Variants in FYN observed in about 807,000 individuals in gnomAD.
FYN encodes the protein FYN proto-oncogene, Src family tyrosine kinase.
In FYN, 10 loss-of-function variants were observed where a neutral mutation model predicts 70.2. The observed-to-expected ratio is 0.14, with a 90% confidence interval of 0.09 to 0.24. The LOEUF (loss-of-function observed/expected upper bound fraction) is 0.24, where lower values mean the gene tolerates loss of function less well. Among genes scored for constraint, FYN ranks in the 10% least tolerant of loss-of-function variants. The pLI is 1.00. For missense variants in FYN, 319 were observed against 673.1 expected (o/e 0.47, Z 5.82); for synonymous variants, 236 against 248.6 (o/e 0.95, Z 0.48).
chr6:111,784,080 G>C (rs1232362722), intron 2 of FYN, among the ~76,000 whole-genome samples: 1 of 152,174 alleles, frequency 6.6e-6, no homozygotes, highest in African/African-American at 2.4e-5. Flanking sequence ...TCACTCCTTT[G>C]GGAGAAGCTC....
chr6:111,661,567 T>C lies in FYN; in HGVS notation c.*172A>G, dbSNP rs1232168525. On this transcript the variant is annotated 3_prime_UTR_variant, in exon 14 of 14. Transcript: ENST00000354650. This position sits in a 1 kb window ranked among gnomAD's most constrained non-coding sequence, Gnocchi z 4.0. Reference sequence around the variant, plus strand: ...AATGCTTCACAGAGGAGGTTCGGATTTGGGGACAAGTGTCATTAATGAGGG... The same window carrying C: ...AATGCTTCACAGAGGAGGTTCGGATCTGGGGACAAGTGTCATTAATGAGGG... The C allele has an allele frequency of 1.6e-6, 1 of 619,714 alleles. No homozygotes were observed. Among genetic ancestry groups the C allele is most frequent in the African/African-American group, 1.8e-5 (1 of 54,868 alleles). The allele number at this position is 619,714 out of a possible 1,614,324, so 38.4% of individuals were successfully genotyped here.
At chr6:111,773,784 G>T (rs1186179829) in intron 3 of FYN, among the ~76,000 whole-genome samples, 1 of 152,032 alleles carries the variant, frequency 6.6e-6, no homozygotes, top group African/African-American at 2.4e-5. Flanking sequence ...AGTTGCCCTG[G>T]GTTCCTTTTC....
At position 111,813,604 on chromosome 6, in the gene FYN, C is replaced by G. The variant is rs192867609; in HGVS notation, c.-81-32969G>C. 5.3e-5 allele frequency among the ~76,000 whole-genome samples: 8 copies of G among 152,284 alleles called. 1 individual carries two copies. In the East Asian group the frequency reaches 1.2e-3, roughly 22 times the overall value. On this transcript the variant is annotated intron_variant, in intron 2 of 13. Transcript: ENST00000354650. ...TAAGAGCTAGCATGCAGGACTCTAACAGACTCCACACCATAATGAGAAGTT... is the reference window on the plus strand; with the variant it reads ...TAAGAGCTAGCATGCAGGACTCTAAGAGACTCCACACCATAATGAGAAGTT...
At chr6:111,792,099 A>G (rs920525203) in intron 2 of FYN, among the ~76,000 whole-genome samples, 11 of 152,252 alleles carry the variant, frequency 7.2e-5, no homozygotes, top group African/African-American at 2.7e-4. Flanking sequence ...GGGAAGCCAC[A>G]GAGTGGAGAA....
At position 111,767,668 on chromosome 6, in the gene FYN, G is replaced by A. The variant is rs554633831; in HGVS notation, c.-12+12898C>T. 7.2e-5 allele frequency among the ~76,000 whole-genome samples: 11 copies of A among 152,288 alleles called. 1 individual carries two copies. The highest frequency in any genetic ancestry group is 7.2e-4 in the Admixed American group (11 of 15,302). On this transcript the variant is annotated intron_variant, in intron 3 of 13. Coordinates refer to ENST00000354650, the MANE Select transcript of FYN (RefSeq NM_002037.5). ...ACCCACCTTGGCCTCCCAAAGTGCTGGGATTACAGGCATGGGTCACCCTGC... is the reference window on the plus strand; with the variant it reads ...ACCCACCTTGGCCTCCCAAAGTGCTAGGATTACAGGCATGGGTCACCCTGC...
intron 2 of FYN, among the ~76,000 whole-genome samples, chr6:111,816,221 C>G (rs892065069): frequency 2.0e-5 from 3 of 151,894 alleles, no homozygotes; most frequent in African/African-American, 7.3e-5. Context: ...GGCAATTAAT[C>G]AAGTCATACA....
chr6:111,742,880 C>A (rs1280513866), intron 3 of FYN, among the ~76,000 whole-genome samples: 2 of 151,880 alleles, frequency 1.3e-5, no homozygotes, highest in Admixed American at 1.3e-4. Flanking sequence ...CAATGAGTTA[C>A]AATTTGTCCT....
chr6:111,793,550 T>C (rs1401095092), intron 2 of FYN: 1 of 152,238 alleles, frequency 6.6e-6, no homozygotes, highest in African/African-American at 2.4e-5. Flanking sequence ...CAGCTCAGCC[T>C]GCCTTTGCAC....
intron 13 of FYN, among the ~76,000 whole-genome samples, chr6:111,663,831 G>T (rs1033220756): frequency 3.3e-5 from 5 of 152,146 alleles, no homozygotes; most frequent in African/African-American, 1.2e-4. Flanking sequence ...TGAAAATGGG[G>T]GATGGGGGCG....
At chr6:111,669,608 A>C (rs1323317054) in intron 13 of FYN, among the ~76,000 whole-genome samples, 1 of 152,104 alleles carries the variant, frequency 6.6e-6, no homozygotes, top group Non-Finnish European at 1.5e-5. Context: ...TTTCCAGAAG[A>C]ACTTTGAGGA....
Position 111,674,506 on chromosome 6 carries a change from T to C in FYN, c.1398A>G (p.Pro466=). 6.2e-7 allele frequency: 1 copy of C among 1,613,252 alleles called. No individual in the cohort carries two copies. The highest frequency in any genetic ancestry group is 1.1e-5 in the South Asian group (1 of 90,912). The stretch of plus-strand genomic sequence containing the variant: ...GTGAGGCCCTGCTCTTACCTGGGTA[T>C]GGCACTCTTCCTTTGGTGACCAGCT... ...LTELVTKGRV[P]YPGMNNREVL... Residue 466 remains proline, a synonymous_variant, in exon 13 of 14, where the codon CCA becomes CCG. Transcript: ENST00000354650.
intron 2 of FYN, chr6:111,793,494 G>A (rs946282197): frequency 6.6e-6 from 1 of 152,164 alleles, no homozygotes; most frequent in Admixed American, 6.5e-5. Context: ...TGCTCTTCCA[G>A]AGTCAGTCCA....
intron 2 of FYN, among the ~76,000 whole-genome samples, chr6:111,794,854 T>A (rs1380396186): frequency 6.6e-6 from 1 of 152,026 alleles, no homozygotes; most frequent in Non-Finnish European, 1.5e-5. Context: ...TGGGCTAAGG[T>A]GATGTCTGTG....
intron 12 of FYN, among the ~76,000 whole-genome samples, chr6:111,678,321 G>C (rs569226234): frequency 6.6e-6 from 1 of 152,204 alleles, no homozygotes; most frequent in South Asian, 2.1e-4. Flanking sequence ...CATGTAAGAG[G>C]ATCTTTGTGC....
intron 2 of FYN, among the ~76,000 whole-genome samples, chr6:111,814,956 G>A (rs1350515721): frequency 2.6e-5 from 4 of 152,224 alleles, no homozygotes; most frequent in African/African-American, 9.6e-5. Flanking sequence ...AGGCAGGTAA[G>A]CTGGTGAATT....
Position 111,830,776 on chromosome 6 carries a change from A to T in FYN, c.-82+15813T>A, listed in dbSNP as rs569097729. 2.3e-3 allele frequency among the ~76,000 whole-genome samples: 343 copies of T among 152,284 alleles called. 1 individual carries two copies. The highest frequency in any genetic ancestry group is 7.7e-3 in the African/African-American group (319 of 41,546). ...TATAATATTAGTAACTGAGGATATA[A>T]GGGGATGAGCTGGAAATCAATGGTA... On this transcript the variant is annotated intron_variant, in intron 2 of 13. Coordinates refer to ENST00000354650, the MANE Select transcript of FYN (RefSeq NM_002037.5).
chr6:111,845,824 G>A (rs557013942), intron 2 of FYN, among the ~76,000 whole-genome samples: 1 of 152,324 alleles, frequency 6.6e-6, no homozygotes, highest in African/African-American at 2.4e-5. Flanking sequence ...GCCTTTCAGT[G>A]GGGGAACTCA....
chr6:111,719,611 C>G, intron 4 of FYN, 194 bp downstream of exon 4: 1 of 639,918 alleles, frequency 1.6e-6, no homozygotes, highest in South Asian at 2.2e-5. Context: ...CCTTGCAACC[C>G]TGTAGCCAAG....
chr6:111,812,758 T>C (rs1056645338), intron 2 of FYN, among the ~76,000 whole-genome samples: 2 of 151,944 alleles, frequency 1.3e-5, no homozygotes, highest in African/African-American at 4.8e-5. Flanking sequence ...TAGTCACATT[T>C]AACCAGCCTC....
Sources: gnomAD v4.1 joint callset for allele counts (sites outside exome capture counted in the v4.1 genomes callset) on GRCh38, gnomAD v4.1.1 for gene constraint, Gnocchi (gnomAD v3.1) non-coding constraint, MANE v1.5 for transcripts, NCBI Gene and HGNC (gene_info 2026-07-23, HGNC 2026-07-21) for gene names.